The following PLCXD3 variants were observed in gnomAD, a reference collection of about 807,000 sequenced individuals.
The protein encoded by PLCXD3 is PI-PLC X domain-containing protein 3.
In PLCXD3, 19 loss-of-function variants were observed where a neutral mutation model predicts 25.5. The ratio of observed to expected loss-of-function variants is 0.75; its 90% confidence interval spans 0.52 to 1.09. The LOEUF (loss-of-function observed/expected upper bound fraction) is 1.09. PLCXD3 is among the 50% of genes least tolerant of loss of function. The pLI is 0.00. For missense variants in PLCXD3, 411 were observed against 388.1 expected (o/e 1.06, Z -0.50); for synonymous variants, 174 against 137.6 (o/e 1.26, Z -1.85).
intron 1 of PLCXD3, among the ~76,000 whole-genome samples, chr5:41,509,870 C>T (rs990731578): frequency 2.0e-5 from 3 of 152,200 alleles, no homozygotes; most frequent in African/African-American, 7.2e-5. Flanking sequence ...GCTATCACGC[C>T]GCCTCTGGTC....
chr5:41,378,859 A>G (rs1275160325), intron 2 of PLCXD3, among the ~76,000 whole-genome samples: 2 of 152,092 alleles, frequency 1.3e-5, no homozygotes, highest in African/African-American at 2.4e-5. Context: ...AAAGCAGTTT[A>G]ACTATGACTT....
chr5:41,350,800 A>G (rs377572812), intron 2 of PLCXD3, among the ~76,000 whole-genome samples: 2 of 152,194 alleles, frequency 1.3e-5, no homozygotes, highest in Non-Finnish European at 2.9e-5. Flanking sequence ...AAGTGTAATA[A>G]GTATATTGCA....
chr5:41,509,208 G>A (rs1379687572), intron 1 of PLCXD3, among the ~76,000 whole-genome samples: 1 of 152,082 alleles, frequency 6.6e-6, no homozygotes, highest in Non-Finnish European at 1.5e-5. Flanking sequence ...ACAGCTGAGA[G>A]GGGGCGCTGG....
rs1225650333 is a variant in PLCXD3 at position 41,435,258 on chromosome 5, A to G, written c.104-52724T>C. 2.0e-5 allele frequency among the ~76,000 whole-genome samples: 3 copies of G among 152,346 alleles called. No homozygotes were observed. In the East Asian group the frequency reaches 5.8e-4, roughly 29 times the overall value. ...CATTTTTATGAAGATGGTGGAGGCC[A>G]CTGTATGGTTCTACCACAATTTGTA... On this transcript the variant is annotated intron_variant, in intron 1 of 2. Transcript: ENST00000377801.
intron 2 of PLCXD3, among the ~76,000 whole-genome samples, chr5:41,366,578 A>G (rs1744942950): frequency 6.6e-6 from 1 of 152,198 alleles, no homozygotes; most frequent in South Asian, 2.1e-4. Flanking sequence ...AAACTATTTC[A>G]ACACACAACA....
chr5:41,359,895 G>T (rs1464803217), intron 2 of PLCXD3, among the ~76,000 whole-genome samples: 1 of 151,998 alleles, frequency 6.6e-6, no homozygotes, highest in Non-Finnish European at 1.5e-5. Flanking sequence ...AGCAAAACTG[G>T]GAAAGTTTTC....
At chr5:41,450,326 T>C in intron 1 of PLCXD3, among the ~76,000 whole-genome samples, 1 of 152,148 alleles carries the variant, frequency 6.6e-6, no homozygotes, top group East Asian at 1.9e-4. Context: ...GTGATAGTTA[T>C]TTTATCTCTA....
chr5:41,397,597 G>T (rs1746047872), intron 1 of PLCXD3, among the ~76,000 whole-genome samples: 1 of 152,160 alleles, frequency 6.6e-6, no homozygotes, highest in Non-Finnish European at 1.5e-5. Context: ...CTGGGGCACT[G>T]CCTAGTGGAG....
In PLCXD3 at chr5:41,470,355, G is replaced by A. The variant is rs904948450; in HGVS notation, c.103+40069C>T. On this transcript the variant is annotated intron_variant, in intron 1 of 2. Transcript: ENST00000377801. ...AAAGGAGAATACTGATGAAAAGAAA[G>A]ACAATCATTTCAGACAGAAATCTGA... Among the ~76,000 whole-genome samples, 4 of 151,302 alleles carry A rather than the reference G, an allele frequency of 2.6e-5. No homozygotes were observed. The Admixed American group carries it at 2.6e-4, about 10-fold the overall frequency.
intron 2 of PLCXD3, among the ~76,000 whole-genome samples, chr5:41,349,149 A>AC (rs1360796503): frequency 4.0e-5 from 6 of 151,474 alleles, no homozygotes; most frequent in Non-Finnish European, 8.8e-5. Flanking sequence ...CAATGTGAAG[A>AC]CCCCTAGCTC....
chr5:41,362,837 T>A (rs1744826557), intron 2 of PLCXD3, among the ~76,000 whole-genome samples: 1 of 151,644 alleles, frequency 6.6e-6, no homozygotes. Context: ...TTTAGGGTCA[T>A]TCTTTAATAA....
chr5:41,401,026 T>C (rs1323191609), intron 1 of PLCXD3, among the ~76,000 whole-genome samples: 1 of 151,846 alleles, frequency 6.6e-6, no homozygotes, highest in Non-Finnish European at 1.5e-5. Context: ...AAAAAGAATA[T>C]AGTGTGCTTA....
intron 1 of PLCXD3, among the ~76,000 whole-genome samples, chr5:41,395,995 A>G (rs1745991560): frequency 7.5e-6 from 1 of 133,312 alleles, no homozygotes; most frequent in African/African-American, 3.1e-5. Context: ...ACAAAGGCCC[A>G]TCAAAGAAAA....
chr5:41,477,033 T>C (rs1216317890), intron 1 of PLCXD3, among the ~76,000 whole-genome samples: 1 of 152,194 alleles, frequency 6.6e-6, no homozygotes, highest in Non-Finnish European at 1.5e-5. Flanking sequence ...TGTATATTTA[T>C]ACATAAAATA....
intron 2 of PLCXD3, among the ~76,000 whole-genome samples, chr5:41,317,142 A>G (rs1261775738): frequency 2.0e-5 from 3 of 152,202 alleles, no homozygotes; most frequent in Admixed American, 2.0e-4. Context: ...TTCCATCTGC[A>G]GGTTTAGGTG....
At chr5:41,408,740 C>T (rs939558288) in intron 1 of PLCXD3, among the ~76,000 whole-genome samples, 4 of 152,092 alleles carry the variant, frequency 2.6e-5, no homozygotes, top group Non-Finnish European at 5.9e-5. Flanking sequence ...AATACGGTGT[C>T]GCATAAGTAA....
chr5:41,493,174 GT>G (rs1270145455), intron 1 of PLCXD3, among the ~76,000 whole-genome samples: 25 of 152,334 alleles, frequency 1.6e-4, no homozygotes, highest in Admixed American at 1.4e-3. Context: ...CTGCAGGTCT[GT>G]TGGAGTTTGC....
chr5:41,417,336 G>A (rs1746717678), intron 1 of PLCXD3, among the ~76,000 whole-genome samples: 1 of 152,196 alleles, frequency 6.6e-6, no homozygotes, highest in South Asian at 2.1e-4. Flanking sequence ...AGGTGATGGT[G>A]AGTGTCTTCT....
chr5:41,403,407 T>TTTAC (rs1746254257), intron 1 of PLCXD3, among the ~76,000 whole-genome samples: 1 of 34,476 alleles, frequency 2.9e-5, no homozygotes, highest in African/African-American at 1.1e-4. Context: ...TGTTGTTTTT[T>TTTAC]TTTTTTTTTA....
Sources: gnomAD v4.1 joint callset for allele counts (sites outside exome capture counted in the v4.1 genomes callset) on GRCh38, gnomAD v4.1.1 for gene constraint, MANE v1.5 for transcripts, NCBI Gene and HGNC (gene_info 2026-07-23, HGNC 2026-07-21) for gene names.